Variants in TMPRSS11A observed in about 807,000 individuals in gnomAD.
The protein encoded by TMPRSS11A is transmembrane protease serine 11A.
TMPRSS11A carries 53 observed loss-of-function variants against 58.9 expected under a neutral mutation model. The observed-to-expected ratio is 0.90, with a 90% CI of 0.72 to 1.13. The LOEUF (loss-of-function observed/expected upper bound fraction) is 1.13, where lower values mean the gene tolerates loss of function less well. Among genes scored for constraint, TMPRSS11A ranks in the 50% most tolerant of loss-of-function variants. The pLI, the probability that TMPRSS11A is intolerant of heterozygous loss-of-function variation, is 0.00. For missense variants in TMPRSS11A, 493 were observed against 499.3 expected (o/e 0.99, Z 0.12); for synonymous variants, 167 against 169.8 (o/e 0.98, Z 0.13).
At chr4:67,919,963 T>A (rs971775195) in intron 7 of TMPRSS11A, among the ~76,000 whole-genome samples, 3 of 152,324 alleles carry the variant, frequency 2.0e-5, no homozygotes, top group East Asian at 3.9e-4. Context: ...ATCTACTGGA[T>A]AATTAAGCCA....
At chr4:67,922,608 A>G in intron 7 of TMPRSS11A, 147 bp downstream of exon 7, 2 of 716,458 alleles carry the variant, frequency 2.8e-6, no homozygotes, top group Non-Finnish European at 4.4e-6. Flanking sequence ...TAAGTATGCA[A>G]GTGTAACATT....
chr4:67,931,671 G>A (rs1049366468), intron 4 of TMPRSS11A, among the ~76,000 whole-genome samples: 3 of 152,196 alleles, frequency 2.0e-5, no homozygotes, highest in Admixed American at 6.5e-5. Context: ...ACGACAAGCT[G>A]CTGGGTTTTC....
intron 3 of TMPRSS11A, among the ~76,000 whole-genome samples, chr4:67,934,557 C>T (rs943121970): frequency 1.3e-5 from 2 of 152,154 alleles, no homozygotes; most frequent in African/African-American, 4.8e-5. Flanking sequence ...CTCTTTAGGG[C>T]ATTTCTAGAA....
rs975157956 is a variant in TMPRSS11A at position 67,923,986 on chromosome 4, A to T, written c.520+142T>A. On this transcript the variant is annotated intron_variant, in intron 6 of 9. Transcript: ENST00000508048. ...AGATCAGTCCATGAGTTAGAAAAAA[A>T]ATGTATTTAAATCTATCGTACAAAT... 5.1e-6 allele frequency: 4 copies of T among 789,660 alleles called. No homozygotes were observed. In the African/African-American group the frequency reaches 7.0e-5, roughly 14 times the overall value. The allele number at this position is 789,660 out of a possible 1,614,324, so 48.9% of individuals were successfully genotyped here. A position where few individuals can be genotyped will look rare whatever the true frequency, so the allele number is the denominator to read the frequency against.
At chr4:67,926,415 G>A (rs998432115) in intron 5 of TMPRSS11A, among the ~76,000 whole-genome samples, 3 of 152,226 alleles carry the variant, frequency 2.0e-5, no homozygotes, top group Non-Finnish European at 4.4e-5. Flanking sequence ...TTCCTGAGCT[G>A]TCCACTGAAT....
intron 8 of TMPRSS11A, among the ~76,000 whole-genome samples, chr4:67,915,238 G>T (rs1328128075): frequency 6.6e-6 from 1 of 152,086 alleles, no homozygotes; most frequent in Non-Finnish European, 1.5e-5. Context: ...AAACGGCAAT[G>T]ATTTCACTTC....
chr4:67,942,963 T>C (rs1720915665), intron 3 of TMPRSS11A, among the ~76,000 whole-genome samples: 1 of 152,060 alleles, frequency 6.6e-6, no homozygotes, highest in South Asian at 2.1e-4. Context: ...GTACGCAAAA[T>C]AGCAAAACAT....
At chr4:67,939,174 G>A (rs550529892) in intron 3 of TMPRSS11A, among the ~76,000 whole-genome samples, 1 of 151,590 alleles carries the variant, frequency 6.6e-6, no homozygotes, top group Non-Finnish European at 1.5e-5. Context: ...GTGTGTGTGT[G>A]TCGCTATTGA....
chr4:67,953,965 G>A (rs1721222104), intron 1 of TMPRSS11A, among the ~76,000 whole-genome samples: 1 of 152,138 alleles, frequency 6.6e-6, no homozygotes, highest in South Asian at 2.1e-4. Flanking sequence ...CCAGATATGA[G>A]TAGGGGTGAG....
intron 5 of TMPRSS11A, among the ~76,000 whole-genome samples, chr4:67,929,007 A>G (rs1017977598): frequency 6.6e-6 from 1 of 152,248 alleles, no homozygotes; most frequent in East Asian, 1.9e-4. Flanking sequence ...CACTATAAGG[A>G]AGAATTTCCA....
At position 67,946,920 on chromosome 4, in the gene TMPRSS11A, T is replaced by C. The variant is rs553856917; in HGVS notation, c.12-349A>G. On this transcript the variant is annotated intron_variant, in intron 1 of 9. Coordinates refer to ENST00000508048, the MANE Select transcript of TMPRSS11A (RefSeq NM_001114387.2). Reference sequence around the variant, plus strand: ...TATCTCTTTTATCTGTCTATCCTTTTAGAGTTTACAAAGTGATTTTAAATC... The same window carrying C: ...TATCTCTTTTATCTGTCTATCCTTTCAGAGTTTACAAAGTGATTTTAAATC... 1.6e-4 allele frequency among the ~76,000 whole-genome samples: 24 copies of C among 152,284 alleles called. 1 individual carries two copies. In the South Asian group the frequency reaches 5.0e-3, roughly 32 times the overall value.
chr4:67,943,997 C>T (rs1260745003), intron 3 of TMPRSS11A, among the ~76,000 whole-genome samples: 1 of 152,076 alleles, frequency 6.6e-6, no homozygotes, highest in Non-Finnish European at 1.5e-5. Flanking sequence ...TTTTTGGGAG[C>T]AGTCTTGCAC....
intron 8 of TMPRSS11A, 105 bp downstream of exon 8, chr4:67,918,868 C>T (rs748750776): frequency 7.5e-6 from 10 of 1,331,374 alleles, no homozygotes; most frequent in Non-Finnish European, 1.0e-5. Flanking sequence ...CTAACTAATC[C>T]AACCAGACTG....
intron 1 of TMPRSS11A, among the ~76,000 whole-genome samples, chr4:67,962,822 A>G (rs1721470451): frequency 6.6e-6 from 1 of 152,240 alleles, no homozygotes; most frequent in African/African-American, 2.4e-5. Context: ...CGTAATAGGA[A>G]GAATTGTAGA....
At chr4:67,932,109 T>G (rs73823321) in intron 3 of TMPRSS11A, 49 bp from the exon 4 acceptor site, 7 of 1,055,762 alleles carry the variant, frequency 6.6e-6, no homozygotes, top group Non-Finnish European at 1.0e-5. Context: ...TATTTTATAA[T>G]AGGAATATAT....
rs567167821 is a variant in TMPRSS11A at position 67,946,192 on chromosome 4, C to T, written c.133+258G>A. 1.8e-4 allele frequency among the ~76,000 whole-genome samples: 27 copies of T among 150,586 alleles called. 2 individuals are homozygous for T. In the South Asian group the frequency reaches 5.5e-3, roughly 31 times the overall value. Reference sequence around the variant, plus strand: ...TTTTGTGTAGATTCTCAAAAGAATTCTGGGTTGAGAGCTCTAAGGAAATTA... The same window carrying T: ...TTTTGTGTAGATTCTCAAAAGAATTTTGGGTTGAGAGCTCTAAGGAAATTA... On this transcript the variant is annotated intron_variant, in intron 2 of 9. Coordinates refer to ENST00000508048, the MANE Select transcript of TMPRSS11A (RefSeq NM_001114387.2).
intron 9 of TMPRSS11A, among the ~76,000 whole-genome samples, chr4:67,912,114 A>G (rs1210302069): frequency 6.6e-6 from 1 of 152,162 alleles, no homozygotes. Flanking sequence ...CTTTCCTAGA[A>G]TTAATAACAC....
intron 7 of TMPRSS11A, 21 bp from the exon 8 acceptor site, chr4:67,919,253 A>G (rs1362067252): frequency 1.2e-6 from 2 of 1,610,704 alleles, no homozygotes; most frequent in East Asian, 2.2e-5. Context: ...TTAGAAATTA[A>G]CAGAATATAT....
At chr4:67,948,625 C>T (rs1361010988) in intron 1 of TMPRSS11A, among the ~76,000 whole-genome samples, 2 of 152,112 alleles carry the variant, frequency 1.3e-5, no homozygotes, top group African/African-American at 4.8e-5. Context: ...ATATGTGCAC[C>T]GACTGATTAA....
Sources: allele counts gnomAD v4.1 joint callset (sites outside exome capture counted in the v4.1 genomes callset), GRCh38; gene constraint gnomAD v4.1.1; transcripts MANE v1.5; gene names NCBI Gene and HGNC (gene_info 2026-07-23, HGNC 2026-07-21).